Variants in HCRTR1 observed in about 807,000 individuals in gnomAD.
The protein encoded by HCRTR1 is orexin/Hypocretin receptor type 1.
HCRTR1 carries 28 observed loss-of-function variants against 40.6 expected under a neutral mutation model. The observed-to-expected ratio is 0.69, with a 90% CI of 0.51 to 0.95. The LOEUF is 0.95. Among genes scored for constraint, HCRTR1 ranks in the 40% least tolerant of loss-of-function variants. The pLI is 0.00. For missense variants in HCRTR1, 482 were observed against 564.7 expected, an observed-to-expected ratio of 0.85 and a Z score of 1.48; for synonymous variants, 209 against 230.0, an observed-to-expected ratio of 0.91 and a Z score of 0.83.
At chr1:31,622,801 A>T (rs1456353870) in intron 6 of HCRTR1, among the ~76,000 whole-genome samples, 2 of 152,116 alleles carry the variant, frequency 1.3e-5, no homozygotes, top group African/African-American at 4.8e-5. Flanking sequence ...CCCCTTGCCC[A>T]GGCCTCCTCA....
In HCRTR1 at chr1:31,621,476, G is replaced by A. The variant is rs1639855127; in HGVS notation, c.623-1G>A. Reference sequence around the variant, plus strand: ...GACTCTGCATCTCTTGACCCCTGCAGATGACCTCTATCCCAAGATCTACCA... The same window carrying A: ...GACTCTGCATCTCTTGACCCCTGCAAATGACCTCTATCCCAAGATCTACCA... On this transcript the variant is annotated splice_acceptor_variant, in intron 5 of 8. Coordinates refer to ENST00000403528, the MANE Select transcript of HCRTR1 (RefSeq NM_001525.3). LOFTEE classifies it high-confidence loss of function. 1.2e-6 allele frequency: 2 copies of A among 1,609,050 alleles called. No homozygotes were observed. Among genetic ancestry groups the A allele is most frequent in the Non-Finnish European group, 1.7e-6 (2 of 1,175,436 alleles).
chr1:31,617,782 C>A lies in HCRTR1; in HGVS notation c.-303C>A, dbSNP rs1475026131. The A allele has an allele frequency of 2.0e-5, 3 of 152,112 alleles. No homozygotes were observed. The highest frequency in any genetic ancestry group is 4.4e-5 in the Non-Finnish European group (3 of 67,994). The allele number at this position is 152,112 out of a possible 1,614,324, so 9.4% of individuals were successfully genotyped here. On this transcript the variant is annotated 5_prime_UTR_variant, in exon 1 of 9. Transcript: ENST00000403528. ...GCTGCCCCGGCCCCCTCCTGCAGTC[C>A]CGGCCCCTAGAGGCTCGGCCTTCCT...
downstream of HCRTR1, chr1:31,630,016 A>C (rs1357760813): frequency 6.4e-6 from 1 of 155,730 alleles, no homozygotes; most frequent in East Asian, 1.9e-4. Context: ...CAGGCAAGTG[A>C]GGGGTCCCAG....
downstream of HCRTR1, among the ~76,000 whole-genome samples, chr1:31,628,350 G>A (rs1419679921): frequency 8.5e-5 from 13 of 152,134 alleles, no homozygotes; most frequent in Admixed American, 7.2e-4. Flanking sequence ...CTCTCCACAC[G>A]ACTTACCAGC....
chr1:31,624,927 T>C (rs1639942574), intron 7 of HCRTR1, 70 bp from the exon 8 acceptor site: 2 of 1,470,242 alleles, frequency 1.4e-6, no homozygotes, highest in African/African-American at 1.4e-5. Flanking sequence ...TCAGGTTCTG[T>C]GAGCAGCACT....
chr1:31,633,412 C>T (rs975126641), downstream of HCRTR1: 14 of 1,280,736 alleles, frequency 1.1e-5, no homozygotes, highest in Admixed American at 3.5e-4. Context: ...CGAAGCTTCA[C>T]AAATTCACCT....
Position 31,627,062 on chromosome 1 carries a change from G to A in HCRTR1, c.*82G>A. 1 of 1,533,278 alleles carries A rather than the reference G, an allele frequency of 6.5e-7. No individual in the cohort carries two copies. The highest frequency in any genetic ancestry group is 1.3e-5 in the South Asian group (1 of 79,750). 95.0% of individuals were successfully genotyped at this position (1,533,278 alleles called of 1,614,324 possible). ...AGACAGCTGGATGTGGTGAAAGGCT[G>A]TGGCTTCAGTCCTGGGTTTCTGCCT... On this transcript the variant is annotated 3_prime_UTR_variant, in exon 9 of 9. Coordinates refer to ENST00000403528, the MANE Select transcript of HCRTR1 (RefSeq NM_001525.3).
Position 31,625,088 on chromosome 1 carries a change from GC to G in HCRTR1, c.1059del (p.Asn354ThrfsTer33). The G allele has an allele frequency of 6.2e-7, 1 of 1,612,074 alleles. No individual in the cohort carries two copies. Among genetic ancestry groups the G allele is most frequent in the Non-Finnish European group, 8.5e-7 (1 of 1,178,974 alleles). On this transcript the variant is annotated frameshift_variant, in exon 8 of 9. Transcript: ENST00000403528. LOFTEE classifies it high-confidence loss of function. This position sits in a 1 kb window ranked among gnomAD's most constrained non-coding sequence, Gnocchi z 4.2. ...SHWLVYANSA[A>X]NPIIYNFLSG... is the part of the protein sequence containing the mutation. Reference sequence around the variant, plus strand: ...CTGGCTGGTGTACGCCAACAGCGCTGCCAACCCCATCATCTACAACTTCCTC... The same window carrying G: ...CTGGCTGGTGTACGCCAACAGCGCTGCAACCCCATCATCTACAACTTCCTC...
chr1:31,632,671 G>A (rs372944097), downstream of HCRTR1: 23 of 1,607,208 alleles, frequency 1.4e-5, no homozygotes, highest in Non-Finnish European at 1.9e-5. Flanking sequence ...GGGGAGGAAG[G>A]CTTCAAGACT....
At chr1:31,631,911 C>A (rs1640114536), downstream of HCRTR1, among the ~76,000 whole-genome samples, 2 of 120,640 alleles carry the variant, frequency 1.7e-5, no homozygotes, top group African/African-American at 5.5e-5. Context: ...GGTGGCAAAG[C>A]TCCCTCTTGG....
intron 6 of HCRTR1, among the ~76,000 whole-genome samples, chr1:31,621,806 G>A (rs1052473236): frequency 6.6e-6 from 1 of 152,222 alleles, no homozygotes; most frequent in Non-Finnish European, 1.5e-5. Flanking sequence ...TTCTATTAGT[G>A]GTTGGCGTTT....
intron 6 of HCRTR1, among the ~76,000 whole-genome samples, chr1:31,623,240 G>T (rs1639897100): frequency 6.7e-6 from 1 of 148,342 alleles, no homozygotes. Context: ...AGATTGAAGA[G>T]AGCCAAGATT....
At chr1:31,629,551 C>T (rs74422721), downstream of HCRTR1, among the ~76,000 whole-genome samples, 393 of 152,202 alleles carry the variant, frequency 2.6e-3, 4 homozygotes, top group East Asian at 0.023. Context: ...AAAACTAGGG[C>T]CTGAGAAAAT....
At position 31,627,172 on chromosome 1, in the gene HCRTR1, A is replaced by C. The variant is rs955032190; in HGVS notation, c.*192A>C. ...TGTGAGGATTAAGCATGCTGAAGCAAGTGGAAAGCTCCTTGTAAACTGTGA... is the reference window on the plus strand; with the variant it reads ...TGTGAGGATTAAGCATGCTGAAGCACGTGGAAAGCTCCTTGTAAACTGTGA... On this transcript the variant is annotated 3_prime_UTR_variant, in exon 9 of 9. Coordinates refer to ENST00000403528, the MANE Select transcript of HCRTR1 (RefSeq NM_001525.3). The C allele has an allele frequency of 1.4e-6, 2 of 1,442,722 alleles. No homozygotes were observed. The highest frequency in any genetic ancestry group is 2.7e-5 in the South Asian group (2 of 72,766). 89.4% of individuals were successfully genotyped at this position (1,442,722 alleles called of 1,614,324 possible). A position where few individuals can be genotyped will look rare whatever the true frequency, so the allele number is the denominator to read the frequency against.
In HCRTR1 at chr1:31,621,604, T is replaced by C. The variant is rs1481816031; in HGVS notation, c.738+12T>C. On this transcript the variant is annotated intron_variant, in intron 6 of 8. Coordinates refer to ENST00000403528, the MANE Select transcript of HCRTR1 (RefSeq NM_001525.3). ...TCTGGGGCCGCCAGGTGAGGCCCACTCTGGGCAGGGGCTAGGCCAGTCACT... is the reference window on the plus strand; with the variant it reads ...TCTGGGGCCGCCAGGTGAGGCCCACCCTGGGCAGGGGCTAGGCCAGTCACT... The C allele has an allele frequency of 1.9e-6, 3 of 1,580,738 alleles. No homozygotes were observed. Among genetic ancestry groups the C allele is most frequent in the Non-Finnish European group, 2.6e-6 (3 of 1,152,316 alleles).
At position 31,620,999 on chromosome 1, in the gene HCRTR1, C is replaced by G. The variant is rs1322976043; in HGVS notation, c.535C>G (p.Gln179Glu). Residue 179 changes from glutamine to glutamate, a missense_variant, in exon 5 of 9, where the codon CAG becomes GAG. Coordinates refer to ENST00000403528, the MANE Select transcript of HCRTR1 (RefSeq NM_001525.3). ...TGTGTCGCTGGCCATCATGGTGCCC[C>G]AGGCTGCAGTCATGGAATGCAGCAG... ...WAVSLAIMVP[Q>E]AAVMECSSVL... is the part of the protein sequence containing the mutation. 1.2e-6 allele frequency: 2 copies of G among 1,613,974 alleles called. No individual in the cohort carries two copies. The highest frequency in any genetic ancestry group is 1.1e-5 in the South Asian group (1 of 91,088).
chr1:31,627,239 C>A lies in HCRTR1; in HGVS notation c.*259C>A. ...TTATTGTTGTACTTCTCTCATTTGG[C>A]CATACCCCACAGTATAATCTGTCCC... is the stretch of plus-strand genomic sequence containing the variant. On this transcript the variant is annotated 3_prime_UTR_variant, in exon 9 of 9. Transcript: ENST00000403528. 6.7e-7 allele frequency: 1 copy of A among 1,482,790 alleles called. No homozygotes were observed. The allele number at this position is 1,482,790 out of a possible 1,614,324, so 91.9% of individuals were successfully genotyped here. A position where few individuals can be genotyped will look rare whatever the true frequency, so the allele number is the denominator to read the frequency against.
rs1347695132 is a variant in HCRTR1, at chr1:31,625,984, G to A, written c.1088-806G>A. 6.6e-6 allele frequency among the ~76,000 whole-genome samples: 1 copy of A among 152,202 alleles called. No individual in the cohort carries two copies. Among genetic ancestry groups the A allele is most frequent in the Non-Finnish European group, 1.5e-5 (1 of 68,040 alleles). Reference sequence around the variant, plus strand: ...TTCCAGGTCAGAAAAGAGAATAGATGATGAGCTGTGTGGGGAGGGGAGGGC... The same window carrying A: ...TTCCAGGTCAGAAAAGAGAATAGATAATGAGCTGTGTGGGGAGGGGAGGGC... On this transcript the variant is annotated intron_variant, in intron 8 of 8. Coordinates refer to ENST00000403528, the MANE Select transcript of HCRTR1 (RefSeq NM_001525.3). This position sits in a 1 kb window ranked among gnomAD's most constrained non-coding sequence, Gnocchi z 4.2.
Position 31,619,071 on chromosome 1 carries a change from G to A in HCRTR1, c.-122G>A, listed in dbSNP as rs966478856. On this transcript the variant is annotated 5_prime_UTR_variant, in exon 3 of 9. Transcript: ENST00000403528. The stretch of plus-strand genomic sequence containing the variant: ...TTCAGGAAGTTTGAGGCTGAGACCC[G>A]AAAAGACCTGGGTGCAAGCCTCCAG... 9 of 735,898 alleles carry A rather than the reference G, an allele frequency of 1.2e-5. No homozygotes were observed. The highest frequency in any genetic ancestry group is 1.1e-4 in the East Asian group (4 of 37,186). 45.6% of individuals were successfully genotyped at this position (735,898 alleles called of 1,614,324 possible). A position where few individuals can be genotyped will look rare whatever the true frequency, so the allele number is the denominator to read the frequency against.
Sources: gnomAD v4.1 joint callset for allele counts (sites outside exome capture counted in the v4.1 genomes callset) on GRCh38, gnomAD v4.1.1 for gene constraint, Gnocchi (gnomAD v3.1) non-coding constraint, MANE v1.5 for transcripts, NCBI Gene and HGNC (gene_info 2026-07-23, HGNC 2026-07-21) for gene names.